The following FER variants were observed in gnomAD, a reference collection of about 807,000 sequenced individuals.
FER encodes the protein FER tyrosine kinase, also known as tyrosine-protein kinase Fer.
Under a neutral mutation model 111.0 loss-of-function variants are expected in FER, and 63 were observed. The ratio of observed to expected loss-of-function variants is 0.57; its 90% confidence interval spans 0.46 to 0.70. The LOEUF is 0.70. Among genes scored for constraint, FER ranks in the 30% least tolerant of loss-of-function variants. The pLI, the probability that FER is intolerant of heterozygous loss-of-function variation, is 0.00. For synonymous variants in FER, 327 were observed against 313.9 expected (o/e 1.04, Z -0.44); for missense variants, 914 against 954.0 (o/e 0.96, Z 0.55).
intron 17 of FER, among the ~76,000 whole-genome samples, chr5:109,127,569 A>AT (rs983624621): frequency 9.3e-5 from 14 of 150,650 alleles, no homozygotes; most frequent in African/African-American, 2.7e-4. Context: ...ACATCAGCTA[A>AT]TTTTTTTTTG....
At position 109,192,149 on chromosome 5, in the gene FER, T is replaced by C. The variant is rs1278614682; in HGVS notation, c.*4574T>C. 3 of 152,206 alleles carry C rather than the reference T, an allele frequency of 2.0e-5. No homozygotes were observed. Among genetic ancestry groups the C allele is most frequent in the Admixed American group, 6.5e-5 (1 of 15,270 alleles). 9.4% of individuals were successfully genotyped at this position (152,206 alleles called of 1,614,324 possible). A position where few individuals can be genotyped will look rare whatever the true frequency, so the allele number is the denominator to read the frequency against. ...TGGTGTGCTAGATTCTTAGTCACTT[T>C]AAACTGCATAGAAGTAATGAGCATA... is the stretch of plus-strand genomic sequence containing the variant. On this transcript the variant is annotated 3_prime_UTR_variant, in exon 20 of 20. Coordinates refer to ENST00000281092, the MANE Select transcript of FER (RefSeq NM_005246.4).
chr5:108,847,297 T>G (rs1434020984), intron 5 of FER, among the ~76,000 whole-genome samples: 1 of 151,986 alleles, frequency 6.6e-6, no homozygotes, highest in Non-Finnish European at 1.5e-5. Flanking sequence ...AAGAATGTTG[T>G]CTAGTTTCCT....
At chr5:108,943,027 GTC>G (rs1756483176) in intron 10 of FER, among the ~76,000 whole-genome samples, 2 of 152,036 alleles carry the variant, frequency 1.3e-5, no homozygotes, top group Non-Finnish European at 2.9e-5. Flanking sequence ...ATTTACATAA[GTC>G]TGTGAGAAAT....
chr5:109,062,865 T>C (rs1442952709), intron 16 of FER, among the ~76,000 whole-genome samples: 1 of 152,144 alleles, frequency 6.6e-6, no homozygotes, highest in East Asian at 1.9e-4. Context: ...GGTACAATTC[T>C]CAGCTCACAC....
chr5:109,095,393 T>C, intron 16 of FER, among the ~76,000 whole-genome samples: 1 of 152,102 alleles, frequency 6.6e-6, no homozygotes, highest in East Asian at 1.9e-4. Flanking sequence ...TCAGACCTAA[T>C]GTTTCAGTTT....
chr5:108,812,171 T>C (rs1757832610), intron 3 of FER, among the ~76,000 whole-genome samples: 1 of 152,242 alleles, frequency 6.6e-6, no homozygotes. Flanking sequence ...TGGCATTTAT[T>C]AGTCCATTTT....
At chr5:109,117,919 G>C (rs1750461553) in intron 17 of FER, among the ~76,000 whole-genome samples, 2 of 152,082 alleles carry the variant, frequency 1.3e-5, no homozygotes, top group African/African-American at 4.8e-5. Flanking sequence ...GTGAGACGAT[G>C]GGGTTTTCTA....
chr5:108,838,325 C>T (rs1760884831), intron 5 of FER, among the ~76,000 whole-genome samples: 1 of 152,090 alleles, frequency 6.6e-6, no homozygotes, highest in African/African-American at 2.4e-5. Flanking sequence ...AATAGCTACT[C>T]AGATATTTGT....
Position 109,194,384 on chromosome 5 carries a change from C to T in FER, c.*6809C>T, listed in dbSNP as rs974773095. On this transcript the variant is annotated 3_prime_UTR_variant, in exon 20 of 20. Coordinates refer to ENST00000281092, the MANE Select transcript of FER (RefSeq NM_005246.4). ...GAAATACAGACCCCAGAGCACATTG[C>T]ATGAAAATACCTGTACTCTGCAGTT... 6 of 152,172 alleles carry T rather than the reference C, an allele frequency of 3.9e-5. No individual in the cohort carries two copies. The South Asian group carries it at 1.2e-3, about 32-fold the overall frequency. The allele number at this position is 152,172 out of a possible 1,614,324, so 9.4% of individuals were successfully genotyped here.
chr5:108,784,100 G>T, intron 2 of FER: 1 of 154,484 alleles, frequency 6.5e-6, no homozygotes, highest in South Asian at 1.8e-4. Context: ...CCATCATCAT[G>T]ACTGAGCAGA....
chr5:109,085,959 C>T (rs77836127), intron 16 of FER, among the ~76,000 whole-genome samples: 4,051 of 151,726 alleles, frequency 0.027, 209 homozygotes, highest in African/African-American at 0.092. Flanking sequence ...ATATATTGTG[C>T]TTATAAAATT....
chr5:108,852,138 G>T lies in FER; in HGVS notation c.482-15629G>T, dbSNP rs866447002. ...TTACCCTAAGCAGACAGAGTAAGAG[G>T]ATTACCTACTGCTAGAACTGTGGGG... is the stretch of plus-strand genomic sequence containing the variant. On this transcript the variant is annotated intron_variant, in intron 5 of 19. Coordinates refer to ENST00000281092, the MANE Select transcript of FER (RefSeq NM_005246.4). Among the ~76,000 whole-genome samples, 4 of 152,310 alleles carry T rather than the reference G, an allele frequency of 2.6e-5. No homozygotes were observed. The South Asian group carries it at 8.3e-4, about 32-fold the overall frequency.
intron 17 of FER, among the ~76,000 whole-genome samples, chr5:109,165,626 GTGTGTGTGTGTGTA>G (rs1449324250): frequency 2.0e-5 from 2 of 101,994 alleles, no homozygotes; most frequent in African/African-American, 3.5e-5. Flanking sequence ...GTGTGTGTGT[GTGTGTGTGTGTGTA>G]TACACACATA....
intron 5 of FER, among the ~76,000 whole-genome samples, chr5:108,838,560 C>A (rs574460704): frequency 3.5e-4 from 53 of 152,090 alleles, no homozygotes; most frequent in African/African-American, 1.2e-3. Flanking sequence ...TAGTAGTAAA[C>A]CAGCAGGAAG....
intron 13 of FER, among the ~76,000 whole-genome samples, chr5:108,974,013 C>CA (rs1283611392): frequency 1.3e-5 from 2 of 152,114 alleles, no homozygotes; most frequent in Non-Finnish European, 2.9e-5. Context: ...GGAAGATCAT[C>CA]AATGTTCATC....
At chr5:109,138,917 C>T (rs774019021) in intron 17 of FER, among the ~76,000 whole-genome samples, 1 of 152,050 alleles carries the variant, frequency 6.6e-6, no homozygotes, top group Non-Finnish European at 1.5e-5. Context: ...AGGGGAGAAT[C>T]CAAGAAGATA....
chr5:108,943,195 T>C (rs1756506414), intron 10 of FER, among the ~76,000 whole-genome samples: 1 of 152,152 alleles, frequency 6.6e-6, no homozygotes, highest in Non-Finnish European at 1.5e-5. Flanking sequence ...GCCAGCCTGG[T>C]ACCATGAAAC....
intron 16 of FER, chr5:109,051,774 G>C: frequency 6.3e-7 from 1 of 1,581,824 alleles, no homozygotes; most frequent in African/African-American, 1.3e-5. Context: ...AGAAAACGTA[G>C]AAGAGTTCAA....
chr5:109,156,122 T>G (rs1755345871), intron 17 of FER, among the ~76,000 whole-genome samples: 1 of 152,068 alleles, frequency 6.6e-6, no homozygotes, highest in Non-Finnish European at 1.5e-5. Flanking sequence ...AATGATAAGA[T>G]TTGTGTTATA....
Sources: gnomAD v4.1 joint callset for allele counts (sites outside exome capture counted in the v4.1 genomes callset) on GRCh38, gnomAD v4.1.1 for gene constraint, MANE v1.5 for transcripts, NCBI Gene and HGNC (gene_info 2026-07-23, HGNC 2026-07-21) for gene names.